GNAS: variants seen among roughly 807,000 people sequenced by gnomAD.
GNAS encodes GNAS complex locus.
In GNAS, 8 loss-of-function variants were observed where a neutral mutation model predicts 54.5. The observed-to-expected ratio is 0.15, with a 90% CI of 0.09 to 0.26. GNAS has a LOEUF of 0.26. GNAS is among the 10% of genes least tolerant of loss of function. The probability of loss-of-function intolerance (pLI) is 1.00; values close to 1 mark genes in which losing one functional copy is unlikely to be tolerated. For missense variants in GNAS, 170 were observed against 529.8 expected, an observed-to-expected ratio of 0.32 and a Z score of 6.67; for synonymous variants, 204 against 191.4, an observed-to-expected ratio of 1.07 and a Z score of -0.54.
intron 1 of GNAS, among the ~76,000 whole-genome samples, chr20:58,878,174 T>G (rs1213749969): frequency 6.6e-6 from 1 of 152,212 alleles, no homozygotes; most frequent in Non-Finnish European, 1.5e-5. Context: ...GGGCTGCTTT[T>G]GTGTAACTGA....
At chr20:58,847,586 C>T (rs1176495300) in intron 1 of GNAS, among the ~76,000 whole-genome samples, 1 of 152,202 alleles carries the variant, frequency 6.6e-6, no homozygotes, top group East Asian at 1.9e-4. Flanking sequence ...ACTTTTTCCT[C>T]AATTGAAAGA....
chr20:58,892,197 G>C, intron 1 of GNAS: 2 of 977,000 alleles, frequency 2.0e-6, no homozygotes, highest in Non-Finnish European at 2.4e-6. Context: ...CCTACACGAC[G>C]CCAGGGGTTT....
Position 58,873,247 on chromosome 20 carries a change from C to G in GNAS, c.44-22365C>G, listed in dbSNP as rs886589710. Among the ~76,000 whole-genome samples the G allele has an allele frequency of 3.3e-5, 5 of 151,676 alleles. No homozygotes were observed. The highest frequency in any genetic ancestry group is 1.2e-4 in the African/African-American group (5 of 41,244). On this transcript the variant is annotated intron_variant, in intron 1 of 12. Transcript: ENST00000306090. The surrounding 1 kb of genome is among the most constrained non-coding windows in gnomAD (Gnocchi z 4.3). ...GCCTTCTGTGACATTTTGGAATTGT[C>G]AGGGAGTTAGGGGTCACGGTGGTTC...
chr20:58,855,709 G>A, intron 1 of GNAS: 1 of 645,410 alleles, frequency 1.5e-6, no homozygotes. Flanking sequence ...GGCTGGTGGG[G>A]TCCACGGTGG....
rs764516882 is a variant in GNAS at position 58,896,760 on chromosome 20, AG to A, written c.212+1077del. Among the ~76,000 whole-genome samples, 28 of 152,352 alleles carry A rather than the reference AG, an allele frequency of 1.8e-4. 1 individual carries two copies. The Middle Eastern group carries it at 0.014, about 74-fold the overall frequency. ...TTTGTAATTACTAGCTGGTTGGCAC[AG>A]TCCTGTTCCCTTTCTTAAACTTGGA... On this transcript the variant is annotated intron_variant, in intron 2 of 12. Transcript: ENST00000371085.
chr20:58,840,439 C>G, upstream of GNAS: 2 of 1,613,346 alleles, frequency 1.2e-6, no homozygotes, highest in Non-Finnish European at 1.7e-6. This position sits in a 1 kb window ranked among gnomAD's most constrained non-coding sequence, Gnocchi z 6.0. Context: ...ACTACGAGAC[C>G]GAGAGCGAGA....
At position 58,841,667 on chromosome 20, in the gene GNAS, C is replaced by T. The variant is rs7363081; in HGVS notation, c.43+781C>T. On this transcript the variant is annotated intron_variant, in intron 1 of 12. Coordinates refer to the GNAS transcript ENST00000306090. This position sits in a 1 kb window ranked among gnomAD's most constrained non-coding sequence, Gnocchi z 5.0. Reference sequence around the variant, plus strand: ...GCGGCGGGCGGTTAGGGGAAAGTACCTGGGGGAAAGGTAGAGGAGGTAAGG... The same window carrying T: ...GCGGCGGGCGGTTAGGGGAAAGTACTTGGGGGAAAGGTAGAGGAGGTAAGG... The T allele has an allele frequency of 3.5e-6, 4 of 1,157,802 alleles. No homozygotes were observed. The highest frequency in any genetic ancestry group is 4.3e-6 in the Non-Finnish European group (4 of 940,612). 71.7% of individuals were successfully genotyped at this position (1,157,802 alleles called of 1,614,324 possible).
intron 1 of GNAS, among the ~76,000 whole-genome samples, chr20:58,843,123 G>T (rs1300408171): frequency 7.9e-5 from 12 of 151,778 alleles, no homozygotes; most frequent in Non-Finnish European, 1.8e-4. Flanking sequence ...AAACTGCCTC[G>T]CCATCTGCAT....
At chr20:58,881,983 G>A (rs938770515) in intron 1 of GNAS, among the ~76,000 whole-genome samples, 5 of 152,162 alleles carry the variant, frequency 3.3e-5, no homozygotes, top group Non-Finnish European at 7.4e-5. Flanking sequence ...GAACCTAGAA[G>A]GGCTTTGTCC....
chr20:58,853,704 G>A lies in GNAS; in HGVS notation c.43+12818G>A, dbSNP rs1184339572. The A allele has an allele frequency of 1.2e-6, 2 of 1,613,800 alleles. No individual in the cohort carries two copies. The highest frequency in any genetic ancestry group is 1.7e-5 in the Admixed American group (1 of 60,024). ...CATGGAGCCCGGAGCCTTCAGTGGT[G>A]CCAGACCAGGCCTGGGAGGATACAG... is the stretch of plus-strand genomic sequence containing the variant. On this transcript the variant is annotated intron_variant, in intron 1 of 12. Transcript: ENST00000306090. This position sits in a 1 kb window ranked among gnomAD's most constrained non-coding sequence, Gnocchi z 4.4.
chr20:58,905,252 T>C (rs1042179827), intron 5 of GNAS, 131 bp from the exon 6 acceptor site: 7 of 700,146 alleles, frequency 1.0e-5, no homozygotes, highest in African/African-American at 7.0e-5. Context: ...AATTCATTAA[T>C]TGGGCTCAAA....
intron 1 of GNAS, among the ~76,000 whole-genome samples, chr20:58,858,477 T>C (rs2145606134): frequency 6.6e-6 from 1 of 152,356 alleles, no homozygotes; most frequent in Non-Finnish European, 1.5e-5. Context: ...CTCAACACTA[T>C]CCACCAATAG....
At chr20:58,906,143 G>A (rs939660086) in intron 6 of GNAS, among the ~76,000 whole-genome samples, 32 of 152,180 alleles carry the variant, frequency 2.1e-4, no homozygotes, top group Admixed American at 8.5e-4. Flanking sequence ...TACCGTGGTG[G>A]GGTTATTTTC....
intron 3 of GNAS, 129 bp downstream of exon 3, chr20:58,899,114 A>G (rs2090356738): frequency 3.8e-6 from 3 of 791,696 alleles, no homozygotes; most frequent in Non-Finnish European, 6.6e-6. Flanking sequence ...CCATATTGGC[A>G]TACATTTGTG....
At chr20:58,871,658 T>TAAG (rs2087475710) in intron 1 of GNAS, among the ~76,000 whole-genome samples, 1 of 87,024 alleles carries the variant, frequency 1.1e-5, no homozygotes, top group Non-Finnish European at 2.2e-5. Flanking sequence ...CCAAAAAAAT[T>TAAG]AAAAGGGAGA....
chr20:58,871,043 C>T (rs2087408723), intron 1 of GNAS, among the ~76,000 whole-genome samples: 1 of 152,206 alleles, frequency 6.6e-6, no homozygotes, highest in Admixed American at 6.5e-5. Context: ...TCCACAAACA[C>T]ACACTACAGG....
upstream of GNAS, among the ~76,000 whole-genome samples, chr20:58,890,110 G>T (rs2089000981): frequency 6.6e-6 from 1 of 151,824 alleles, no homozygotes; most frequent in Admixed American, 6.6e-5. Flanking sequence ...GACAAGGAGC[G>T]CAAGAAGCTC....
intron 1 of GNAS, 84 bp downstream of exon 1, chr20:58,891,949 C>A (rs1228077125): frequency 1.1e-5 from 9 of 844,386 alleles, no homozygotes; most frequent in Non-Finnish European, 1.1e-5. Context: ...GCCCGCCCCC[C>A]GCCCCGGGCG....
intron 3 of GNAS, among the ~76,000 whole-genome samples, chr20:58,902,540 A>C (rs2090710600): frequency 6.6e-6 from 1 of 151,982 alleles, no homozygotes; most frequent in African/African-American, 2.4e-5. Context: ...CTCAAGGAAA[A>C]GCTACAAAAC....
Sources: gnomAD v4.1 joint callset for allele counts (sites outside exome capture counted in the v4.1 genomes callset) on GRCh38, gnomAD v4.1.1 for gene constraint, Gnocchi (gnomAD v3.1) non-coding constraint, MANE v1.5 for transcripts, NCBI Gene and HGNC (gene_info 2026-07-23, HGNC 2026-07-21) for gene names.